Variants in IQUB observed in about 807,000 individuals in gnomAD.
IQUB encodes the protein IQ motif and ubiquitin domain containing.
Under a neutral mutation model 86.4 loss-of-function variants are expected in IQUB, and 86 were observed. That is an observed-to-expected ratio of 1.00 (90% CI 0.84 to 1.19). The LOEUF (loss-of-function observed/expected upper bound fraction) is 1.19. Ranked by LOEUF, IQUB falls within the 50% of genes most tolerant of loss-of-function variation. IQUB has a pLI of 0.00. For missense variants in IQUB, 946 were observed against 916.9 expected, an observed-to-expected ratio of 1.03 and a Z score of -0.41; for synonymous variants, 289 against 304.5, an observed-to-expected ratio of 0.95 and a Z score of 0.53.
chr7:123,469,415 A>G, intron 8 of IQUB, 31 bp from the exon 9 acceptor site: 5 of 1,338,782 alleles, frequency 3.7e-6, no homozygotes, highest in Non-Finnish European at 5.1e-6. Context: ...TATAATTATC[A>G]GTTAATTAGA....
chr7:123,517,570 A>ATATC (rs1317883492), intron 1 of IQUB, among the ~76,000 whole-genome samples: 2 of 148,842 alleles, frequency 1.3e-5, no homozygotes, highest in Non-Finnish European at 3.0e-5. Context: ...AAGAGACCCT[A>ATATC]TATCTTTTAA....
chr7:123,480,952 C>G (rs2117081589), intron 7 of IQUB, among the ~76,000 whole-genome samples: 1 of 152,114 alleles, frequency 6.6e-6, no homozygotes, highest in East Asian at 1.9e-4. Context: ...TGCATTTTAC[C>G]AAGTTTTCCA....
At chr7:123,514,458 T>C (rs1183533198) in intron 1 of IQUB, among the ~76,000 whole-genome samples, 1 of 151,940 alleles carries the variant, frequency 6.6e-6, no homozygotes, top group Non-Finnish European at 1.5e-5. Flanking sequence ...ATGTGAAAAA[T>C]CATAAACATA....
At chr7:123,521,461 A>G (rs956267320) in intron 1 of IQUB, among the ~76,000 whole-genome samples, 2 of 152,080 alleles carry the variant, frequency 1.3e-5, no homozygotes, top group African/African-American at 4.8e-5. Flanking sequence ...TGGGCAACAT[A>G]GTGAGACCCT....
chr7:123,461,456 T>C lies in IQUB; in HGVS notation c.1908A>G (p.Gln636=). Residue 636 remains glutamine, a synonymous_variant, in exon 11 of 13, where the codon CAA becomes CAG. Transcript: ENST00000324698. ...TGTACTTCAAAAATGATTCTCGTTT[T>C]TGAGCCTCATTCTGAAGGTTAATGC... ...RNCINLQNEA[Q]KRESFLKYKC... is the part of the protein sequence containing the mutation. The C allele has an allele frequency of 6.2e-7, 1 of 1,612,466 alleles. No homozygotes were observed. Among genetic ancestry groups the C allele is most frequent in the South Asian group, 1.1e-5 (1 of 91,032 alleles).
chr7:123,513,831 T>G (rs1796532914), intron 1 of IQUB, among the ~76,000 whole-genome samples: 1 of 152,142 alleles, frequency 6.6e-6, no homozygotes. Flanking sequence ...GAATTTTTAG[T>G]AGAGATGGGG....
intron 1 of IQUB, among the ~76,000 whole-genome samples, chr7:123,516,668 TGG>T (rs111832985): frequency 7.2e-5 from 11 of 152,000 alleles, no homozygotes; most frequent in Non-Finnish European, 1.0e-4. Flanking sequence ...AGTTATCTGA[TGG>T]GGGGCAAGGT....
At chr7:123,532,666 A>G (rs910962100) in intron 1 of IQUB, 1 of 152,150 alleles carries the variant, frequency 6.6e-6, no homozygotes, top group Non-Finnish European at 1.5e-5. Flanking sequence ...AAAGAACCCT[A>G]AAAAGCAAGG....
intron 11 of IQUB, among the ~76,000 whole-genome samples, chr7:123,460,472 A>T (rs1793928016): frequency 6.6e-6 from 1 of 151,848 alleles, no homozygotes; most frequent in South Asian, 2.1e-4. Flanking sequence ...TTTGGTATTA[A>T]ATACAATTTA....
At chr7:123,486,536 T>G (rs1482450219) in intron 7 of IQUB, among the ~76,000 whole-genome samples, 1 of 152,218 alleles carries the variant, frequency 6.6e-6, no homozygotes, top group Non-Finnish European at 1.5e-5. Flanking sequence ...TGTAGCATAA[T>G]TAATTGGTAC....
At chr7:123,528,209 A>G (rs1308758130) in intron 1 of IQUB, among the ~76,000 whole-genome samples, 1 of 152,118 alleles carries the variant, frequency 6.6e-6, no homozygotes, top group African/African-American at 2.4e-5. Context: ...ACCTGCGCCC[A>G]CTGTCTGGCA....
rs574666165 is a variant in IQUB, at chr7:123,504,692, G to A, written c.533-1329C>T. On this transcript the variant is annotated intron_variant, in intron 3 of 12. Coordinates refer to ENST00000324698, the MANE Select transcript of IQUB (RefSeq NM_178827.5). Reference sequence around the variant, plus strand: ...GGAAATCCGCACCCATGATCCATTCGCCTCCCACCAGACCTCTCCTCCAAC... The same window carrying A: ...GGAAATCCGCACCCATGATCCATTCACCTCCCACCAGACCTCTCCTCCAAC... Among the ~76,000 whole-genome samples the A allele has an allele frequency of 1.5e-4, 23 of 152,056 alleles. No homozygotes were observed. In the South Asian group the frequency reaches 4.0e-3, roughly 26 times the overall value.
chr7:123,496,978 G>C lies in IQUB; in HGVS notation c.1024-72C>G, dbSNP rs1002568267. ...TTGATCAGACAATAAAGGCAATGATGATTATTTCAATTCCAATTCCACAAC... is the reference window on the plus strand; with the variant it reads ...TTGATCAGACAATAAAGGCAATGATCATTATTTCAATTCCAATTCCACAAC... On this transcript the variant is annotated intron_variant, in intron 6 of 12. Transcript: ENST00000324698. The C allele has an allele frequency of 9.0e-6, 8 of 889,928 alleles. No homozygotes were observed. In the African/African-American group the frequency reaches 1.4e-4, roughly 15 times the overall value. The allele number at this position is 889,928 out of a possible 1,614,324, so 55.1% of individuals were successfully genotyped here. A position where few individuals can be genotyped will look rare whatever the true frequency, so the allele number is the denominator to read the frequency against.
At chr7:123,506,765 A>G (rs1421556856) in intron 3 of IQUB, among the ~76,000 whole-genome samples, 1 of 152,212 alleles carries the variant, frequency 6.6e-6, no homozygotes, top group Non-Finnish European at 1.5e-5. Context: ...ACAGAGAAGC[A>G]TATATGCAGA....
At chr7:123,521,542 G>T (rs928649844) in intron 1 of IQUB, among the ~76,000 whole-genome samples, 2 of 152,004 alleles carry the variant, frequency 1.3e-5, no homozygotes, top group African/African-American at 4.8e-5. Context: ...AATTACTCAG[G>T]AGGCTGAGGT....
At chr7:123,495,999 A>G (rs1160541280) in intron 7 of IQUB, among the ~76,000 whole-genome samples, 1 of 152,190 alleles carries the variant, frequency 6.6e-6, no homozygotes, top group Non-Finnish European at 1.5e-5. Flanking sequence ...AATGAGGACC[A>G]TAAGATGACA....
At chr7:123,531,009 ATCT>A (rs893072489) in intron 1 of IQUB, among the ~76,000 whole-genome samples, 6 of 152,274 alleles carry the variant, frequency 3.9e-5, no homozygotes, top group African/African-American at 1.4e-4. Context: ...TCTGAGGTAG[ATCT>A]TCTTGTCTCT....
At chr7:123,531,195 C>CA (rs1452089189) in intron 1 of IQUB, among the ~76,000 whole-genome samples, 2 of 151,962 alleles carry the variant, frequency 1.3e-5, no homozygotes, top group Admixed American at 1.3e-4. Flanking sequence ...ATATATAAAA[C>CA]AAAAAACTTT....
intron 1 of IQUB, among the ~76,000 whole-genome samples, chr7:123,523,523 C>A (rs1442488860): frequency 2.0e-5 from 3 of 152,018 alleles, no homozygotes; most frequent in African/African-American, 4.8e-5. Flanking sequence ...GTCTGTTCAT[C>A]TCCTTTGCCC....
Sources: allele counts gnomAD v4.1 joint callset (sites outside exome capture counted in the v4.1 genomes callset), GRCh38; gene constraint gnomAD v4.1.1; transcripts MANE v1.5; gene names NCBI Gene and HGNC (gene_info 2026-07-23, HGNC 2026-07-21).